The following PAPLN variants were observed in gnomAD, a reference collection of about 807,000 sequenced individuals.
PAPLN encodes the protein papilin.
PAPLN carries 146 observed loss-of-function variants against 159.0 expected under a neutral mutation model. The observed-to-expected ratio is 0.92, with a 90% confidence interval of 0.80 to 1.05. PAPLN has a LOEUF of 1.05. Ranked by LOEUF, PAPLN falls within the 50% of genes least tolerant of loss-of-function variation. PAPLN has a pLI of 0.00. For synonymous variants in PAPLN, 734 were observed against 702.9 expected (o/e 1.04, Z -0.70); for missense variants, 1,720 against 1,743.9 (o/e 0.99, Z 0.24).
chr14:73,258,709 C>T (rs1180085582), intron 14 of PAPLN, among the ~76,000 whole-genome samples: 3 of 151,510 alleles, frequency 2.0e-5, no homozygotes, highest in Non-Finnish European at 2.9e-5. Flanking sequence ...CTTTAGTGAG[C>T]CATGATCACC....
intron 14 of PAPLN, 49 bp downstream of exon 14, chr14:73,255,067 C>T (rs11628713): frequency 0.17 from 267,422 of 1,571,484 alleles, 23,507 homozygotes; most frequent in Middle Eastern, 0.23. Context: ...CTCTCTCCCA[C>T]TCGCTACAAA....
Position 73,245,944 on chromosome 14 carries a change from C to A in PAPLN, c.232-129C>A. ...GGAGTTCGGGGGTCCGGGGGGCGGA[C>A]TCCACCTCCGGCGGCTCCGATGGGG... On this transcript the variant is annotated intron_variant, in intron 4 of 26. Transcript: ENST00000644200. This position sits in a 1 kb window ranked among gnomAD's most constrained non-coding sequence, Gnocchi z 4.2. The A allele has an allele frequency of 9.8e-7, 1 of 1,017,216 alleles. No homozygotes were observed. Among genetic ancestry groups the A allele is most frequent in the Non-Finnish European group, 1.4e-6 (1 of 722,038 alleles). 63.0% of individuals were successfully genotyped at this position (1,017,216 alleles called of 1,614,324 possible).
intron 13 of PAPLN, 52 bp from the exon 14 acceptor site, chr14:73,254,825 C>T (rs200287233): frequency 1.1e-4 from 184 of 1,601,878 alleles, no homozygotes; most frequent in South Asian, 1.6e-4. Flanking sequence ...TGTGGGTCCC[C>T]GCCCCCAGCC....
rs539362524 is a variant in PAPLN at position 73,249,490 on chromosome 14, A to T, written c.335-494A>T. On this transcript the variant is annotated intron_variant, in intron 5 of 26. Transcript: ENST00000644200. The stretch of plus-strand genomic sequence containing the variant: ...GGAGTTCGAGACCAGCCTGCCCAAC[A>T]TGGTGAAACCCCATCTCTACTAAAA... Among the ~76,000 whole-genome samples, 6 of 152,222 alleles carry T rather than the reference A, an allele frequency of 3.9e-5. No homozygotes were observed. In the East Asian group the frequency reaches 9.7e-4, roughly 25 times the overall value.
intron 14 of PAPLN, among the ~76,000 whole-genome samples, chr14:73,258,083 T>C (rs17126411): frequency 0.042 from 6,426 of 152,304 alleles, 370 homozygotes; most frequent in African/African-American, 0.12. Flanking sequence ...TGTCTTTCTA[T>C]CCCTTTGTCT....
intron 25 of PAPLN, 103 bp downstream of exon 25, chr14:73,266,934 T>C (rs1266498846): frequency 8.7e-7 from 1 of 1,144,396 alleles, no homozygotes; most frequent in Non-Finnish European, 1.3e-6. Context: ...ACTGCTTCCA[T>C]TCCGGCTTCC....
chr14:73,261,764 C>G (rs913270047), intron 18 of PAPLN, among the ~76,000 whole-genome samples: 2 of 152,212 alleles, frequency 1.3e-5, no homozygotes, highest in South Asian at 4.1e-4. Flanking sequence ...ACGAGGACCT[C>G]AAAAGCCGGG....
chr14:73,239,879 C>CG, intron 2 of PAPLN, 47 bp downstream of exon 2: 2 of 1,516,810 alleles, frequency 1.3e-6, no homozygotes, highest in Non-Finnish European at 1.8e-6. Flanking sequence ...GCAGGGGAGT[C>CG]GGGGGCGGGG....
chr14:73,248,847 C>T (rs967477337), intron 5 of PAPLN, among the ~76,000 whole-genome samples: 2 of 150,634 alleles, frequency 1.3e-5, no homozygotes, highest in African/African-American at 4.9e-5. Context: ...AAATTAAAAC[C>T]AGGCCAGGTA....
intron 5 of PAPLN, 95 bp downstream of exon 5, chr14:73,246,270 A>G (rs1566674600): frequency 1.9e-6 from 2 of 1,034,242 alleles, no homozygotes; most frequent in African/African-American, 1.7e-5. Context: ...GTTGTCATAT[A>G]TATATATATT....
intron 5 of PAPLN, among the ~76,000 whole-genome samples, chr14:73,247,069 G>C (rs980082061): frequency 6.6e-6 from 1 of 152,172 alleles, no homozygotes; most frequent in Non-Finnish European, 1.5e-5. Context: ...TTTTTGCTCA[G>C]TCTGCTATGG....
At position 73,245,353 on chromosome 14, in the gene PAPLN, C is replaced by T. The variant is rs1884099020; in HGVS notation, c.171-283C>T. 3 of 475,518 alleles carry T rather than the reference C, an allele frequency of 6.3e-6. No individual in the cohort carries two copies. The highest frequency in any genetic ancestry group is 7.6e-6 in the Non-Finnish European group (2 of 261,738). 29.5% of individuals were successfully genotyped at this position (475,518 alleles called of 1,614,324 possible). A position where few individuals can be genotyped will look rare whatever the true frequency, so the allele number is the denominator to read the frequency against. On this transcript the variant is annotated intron_variant, in intron 3 of 26. Transcript: ENST00000644200. The surrounding 1 kb of genome is among the most constrained non-coding windows in gnomAD (Gnocchi z 4.2). ...AAGCGGGTGGGTATTATATCTCATGCACCTCGGGTCTTCTCTGGGAATCTG... is the reference window on the plus strand; with the variant it reads ...AAGCGGGTGGGTATTATATCTCATGTACCTCGGGTCTTCTCTGGGAATCTG...
intron 26 of PAPLN, among the ~76,000 whole-genome samples, chr14:73,269,747 C>T (rs2061515044): frequency 6.6e-6 from 1 of 152,204 alleles, no homozygotes; most frequent in South Asian, 2.1e-4. Flanking sequence ...TGATACAGAC[C>T]TTGGGGGAGT....
Position 73,262,286 on chromosome 14 carries a change from G to A in PAPLN, c.2246-64G>A, listed in dbSNP as rs966544621. 3 of 1,464,596 alleles carry A rather than the reference G, an allele frequency of 2.0e-6. No homozygotes were observed. The African/African-American group carries it at 4.2e-5, about 20-fold the overall frequency. 90.7% of individuals were successfully genotyped at this position (1,464,596 alleles called of 1,614,324 possible). Reference sequence around the variant, plus strand: ...CTGCTTCCTGAGTCGGAGGCTGAGAGGATGGAGGGTGCAGCTTTAGTACTG... The same window carrying A: ...CTGCTTCCTGAGTCGGAGGCTGAGAAGATGGAGGGTGCAGCTTTAGTACTG... On this transcript the variant is annotated intron_variant, in intron 18 of 26. Transcript: ENST00000644200.
intron 1 of PAPLN, among the ~76,000 whole-genome samples, chr14:73,239,273 A>G (rs1453152313): frequency 6.6e-6 from 1 of 152,258 alleles, no homozygotes; most frequent in African/African-American, 2.4e-5. Context: ...CCCTGTGCAG[A>G]GAAATGCTGG....
In PAPLN at chr14:73,259,424, C is replaced by T. The variant is rs78625767; in HGVS notation, c.1864C>T (p.Arg622Trp). The T allele has an allele frequency of 6.3e-5, 102 of 1,612,874 alleles. No homozygotes were observed. The African/African-American group carries it at 1.1e-3, about 17-fold the overall frequency. Residue 622 changes from arginine (R) to tryptophan (W), a missense_variant, in exon 16 of 27, where the codon CGG becomes TGG. Coordinates refer to ENST00000644200, the MANE Select transcript of PAPLN (RefSeq NM_001365906.3). ...GCAGCCCCCATACCAGCAACCCCTG[C>T]GGTCGGGCTCAGGGCCCCACGACTG... Reference protein sequence around the residue: ...LQQPPYQQPLRSGSGPHDCRH... With the variant: ...LQQPPYQQPLWSGSGPHDCRH...
chr14:73,264,338 C>G lies in PAPLN; in HGVS notation c.2986+3C>G, dbSNP rs1346776559. ...GAAGATCCAACTTCGCATCATAGGTCTCTGTCCCCACCCCATCCACCAGTG... is the reference window on the plus strand; with the variant it reads ...GAAGATCCAACTTCGCATCATAGGTGTCTGTCCCCACCCCATCCACCAGTG... On this transcript the variant is annotated splice_donor_region_variant and intron_variant, in intron 21 of 26. Transcript: ENST00000644200. The G allele has an allele frequency of 1.2e-6, 2 of 1,612,542 alleles. No individual in the cohort carries two copies. Among genetic ancestry groups the G allele is most frequent in the Non-Finnish European group, 1.7e-6 (2 of 1,179,198 alleles).
chr14:73,257,631 A>G (rs2140263729), intron 14 of PAPLN, among the ~76,000 whole-genome samples: 1 of 152,254 alleles, frequency 6.6e-6, no homozygotes, highest in East Asian at 1.9e-4. Context: ...ACAATATGAT[A>G]GAAACTTTAA....
At chr14:73,271,543 C>T (rs1042896641) in intron 26 of PAPLN, among the ~76,000 whole-genome samples, 5 of 151,758 alleles carry the variant, frequency 3.3e-5, no homozygotes, top group Non-Finnish European at 5.9e-5. Context: ...GCTCTGTCAC[C>T]CAGGCTGGAG....
Sources: gnomAD v4.1 joint callset for allele counts (sites outside exome capture counted in the v4.1 genomes callset) on GRCh38, gnomAD v4.1.1 for gene constraint, Gnocchi (gnomAD v3.1) non-coding constraint, MANE v1.5 for transcripts, NCBI Gene and HGNC (gene_info 2026-07-23, HGNC 2026-07-21) for gene names.